The following RBFOX1 variants were observed in gnomAD, a reference collection of about 807,000 sequenced individuals.
RBFOX1 encodes the protein RNA binding protein fox-1 homolog 1.
RBFOX1 carries 8 observed loss-of-function variants against 57.7 expected under a neutral mutation model. The ratio of observed to expected loss-of-function variants is 0.14; its 90% confidence interval spans 0.08 to 0.25. The LOEUF (loss-of-function observed/expected upper bound fraction) is 0.25. Ranked by LOEUF, RBFOX1 falls within the 10% of genes least tolerant of loss-of-function variation. The pLI, the probability that RBFOX1 is intolerant of heterozygous loss-of-function variation, is 1.00. For synonymous variants in RBFOX1, 326 were observed against 222.4 expected (o/e 1.47, Z -4.15); for missense variants, 611 against 548.5 (o/e 1.11, Z -1.14).
intron 2 of RBFOX1, among the ~76,000 whole-genome samples, chr16:6,489,266 C>G (rs754427018): frequency 6.6e-6 from 1 of 152,166 alleles, no homozygotes; most frequent in Non-Finnish European, 1.5e-5. Context: ...TCTTTTCCCT[C>G]AGTATTCAAA....
In RBFOX1 at chr16:6,916,411, A is replaced by G. The variant is rs1370988201; in HGVS notation, c.-15-135646A>G. ...ATGTAGGTTTTCATTTCTCTTGAAT[A>G]TATCCCTAGGTGTGGAATTGCTGGG... On this transcript the variant is annotated intron_variant, in intron 3 of 15. Transcript: ENST00000550418. Among the ~76,000 whole-genome samples the G allele has an allele frequency of 2.6e-5, 4 of 151,994 alleles. No homozygotes were observed. The East Asian group carries it at 5.8e-4, about 22-fold the overall frequency.
At chr16:5,466,090 A>G (rs536200475) in intron 1 of RBFOX1, among the ~76,000 whole-genome samples, 1 of 152,306 alleles carries the variant, frequency 6.6e-6, no homozygotes, top group South Asian at 2.1e-4. Flanking sequence ...AAAGGGAGTT[A>G]TGGTATCTTC....
intron 3 of RBFOX1, among the ~76,000 whole-genome samples, chr16:6,950,541 C>G (rs535379655): frequency 6.6e-6 from 1 of 152,226 alleles, no homozygotes; most frequent in South Asian, 2.1e-4. Context: ...GCCATTATTT[C>G]CAGGCTTAGA....
intron 4 of RBFOX1, among the ~76,000 whole-genome samples, chr16:5,899,791 T>A (rs1314084656): frequency 1.3e-5 from 2 of 152,152 alleles, no homozygotes; most frequent in African/African-American, 4.8e-5. Context: ...GTTCCTTTGA[T>A]GGCCCGGCAT....
chr16:5,611,988 T>A (rs192531527), intron 3 of RBFOX1, among the ~76,000 whole-genome samples: 4 of 151,848 alleles, frequency 2.6e-5, no homozygotes, highest in African/African-American at 9.7e-5. Context: ...AACAGCCAGA[T>A]GTAGTAGCAT....
intron 11 of RBFOX1, among the ~76,000 whole-genome samples, chr16:7,634,476 A>ATGGTT (rs2061457636): frequency 6.6e-6 from 1 of 151,578 alleles, no homozygotes. Context: ...AGTAGGGGAG[A>ATGGTT]TGGTTTTTAA....
chr16:6,222,840 A>C (rs7499165), intron 1 of RBFOX1, among the ~76,000 whole-genome samples: 29,746 of 151,722 alleles, frequency 0.2, 3,769 homozygotes, highest in East Asian at 0.45. Context: ...TCCTAATGCT[A>C]TCCTTCCGCC....
At chr16:7,222,235 G>T (rs1486081274) in intron 4 of RBFOX1, among the ~76,000 whole-genome samples, 2 of 152,142 alleles carry the variant, frequency 1.3e-5, no homozygotes, top group Non-Finnish European at 2.9e-5. Flanking sequence ...ATTCTTCTTT[G>T]CTCTTGTTTA....
At chr16:5,387,180 C>T (rs1198965151) in intron 1 of RBFOX1, among the ~76,000 whole-genome samples, 3 of 152,182 alleles carry the variant, frequency 2.0e-5, no homozygotes, top group African/African-American at 7.2e-5. Flanking sequence ...TTTGTATCAT[C>T]TAGTACTGTG....
intron 1 of RBFOX1, among the ~76,000 whole-genome samples, chr16:5,283,282 G>A (rs113074033): frequency 3.3e-5 from 5 of 152,202 alleles, no homozygotes; most frequent in Admixed American, 6.5e-5. Context: ...AGGGCAGTGC[G>A]GAAGGGAAAT....
intron 2 of RBFOX1, among the ~76,000 whole-genome samples, chr16:6,569,285 T>G (rs2097311120): frequency 6.6e-6 from 1 of 152,200 alleles, no homozygotes; most frequent in East Asian, 1.9e-4. Context: ...CATTTCTTTT[T>G]GTTGAATGAG....
intron 3 of RBFOX1, among the ~76,000 whole-genome samples, chr16:5,819,719 C>T (rs1479979048): frequency 1.3e-5 from 2 of 152,214 alleles, no homozygotes; most frequent in South Asian, 2.1e-4. Context: ...CTGCCATGCC[C>T]ACCAGGTGAA....
chr16:7,536,110 C>A (rs1020405432), intron 5 of RBFOX1, among the ~76,000 whole-genome samples: 6 of 152,186 alleles, frequency 3.9e-5, no homozygotes, highest in Admixed American at 3.9e-4. Flanking sequence ...AATAAGAAAA[C>A]ACTGTTTCTT....
At chr16:5,486,858 A>G (rs1431813448) in intron 2 of RBFOX1, among the ~76,000 whole-genome samples, 1 of 151,034 alleles carries the variant, frequency 6.6e-6, no homozygotes, top group East Asian at 1.9e-4. Context: ...AAAACCTGAG[A>G]CTCCTTTACT....
At chr16:7,012,489 A>C (rs1327063359) in intron 3 of RBFOX1, among the ~76,000 whole-genome samples, 1 of 152,202 alleles carries the variant, frequency 6.6e-6, no homozygotes, top group Non-Finnish European at 1.5e-5. Context: ...TTCCCAAGCC[A>C]TGTTAATAAC....
At chr16:6,963,638 C>T (rs2083469245) in intron 3 of RBFOX1, among the ~76,000 whole-genome samples, 1 of 152,090 alleles carries the variant, frequency 6.6e-6, no homozygotes, top group Non-Finnish European at 1.5e-5. Context: ...CCAGGGGTGC[C>T]AGAGATTATG....
At chr16:6,838,265 GAGA>G (rs1336355081) in intron 3 of RBFOX1, among the ~76,000 whole-genome samples, 2 of 152,044 alleles carry the variant, frequency 1.3e-5, no homozygotes, top group Non-Finnish European at 2.9e-5. Flanking sequence ...ACTTAAGAGT[GAGA>G]AGATGTGGTG....
intron 3 of RBFOX1, among the ~76,000 whole-genome samples, chr16:5,647,554 C>G (rs952745997): frequency 2.6e-5 from 4 of 152,164 alleles, no homozygotes; most frequent in Non-Finnish European, 4.4e-5. Context: ...TAGTCTCTGT[C>G]CCGTGGAAAC....
intron 2 of RBFOX1, among the ~76,000 whole-genome samples, chr16:6,342,806 C>G (rs557094396): frequency 2.0e-5 from 3 of 152,278 alleles, no homozygotes; most frequent in African/African-American, 7.2e-5. Flanking sequence ...CACTCACAAG[C>G]TCGTCTATGC....
Sources: allele counts gnomAD v4.1 joint callset (sites outside exome capture counted in the v4.1 genomes callset), GRCh38; gene constraint gnomAD v4.1.1; transcripts MANE v1.5; gene names NCBI Gene and HGNC (gene_info 2026-07-23, HGNC 2026-07-21).